Variants in MAG observed in about 807,000 individuals in gnomAD.
MAG encodes myelin-associated glycoprotein.
A neutral mutation model predicts 60.7 loss-of-function variants in MAG; 30 were observed. That is an observed-to-expected ratio of 0.49 (90% CI 0.37 to 0.67). The LOEUF (loss-of-function observed/expected upper bound fraction) is 0.67, where lower values mean the gene tolerates loss of function less well. Ranked by LOEUF, MAG falls within the 30% of genes least tolerant of loss-of-function variation. The pLI, the probability that MAG is intolerant of heterozygous loss-of-function variation, is 0.00. For missense variants in MAG, 795 were observed against 851.7 expected (o/e 0.93, Z 0.83); for synonymous variants, 384 against 376.8 (o/e 1.02, Z -0.22).
chr19:35,313,612 TC>T lies in MAG; in HGVS notation c.*161del. ...CCTGGGGGCCTGACCTCCCCCTCCT[TC>T]CCAGCTGCCCCTCCCTGCCAGCACC... On this transcript the variant is annotated 3_prime_UTR_variant, in exon 11 of 11. Coordinates refer to ENST00000392213, the MANE Select transcript of MAG (RefSeq NM_002361.4). 1 of 655,786 alleles carries T rather than the reference TC, an allele frequency of 1.5e-6. No homozygotes were observed. The highest frequency in any genetic ancestry group is 2.5e-6 in the Non-Finnish European group (1 of 394,152). 40.6% of individuals were successfully genotyped at this position (655,786 alleles called of 1,614,324 possible). A position where few individuals can be genotyped will look rare whatever the true frequency, so the allele number is the denominator to read the frequency against.
chr19:35,297,131 A>T (rs2066403866), intron 4 of MAG, among the ~76,000 whole-genome samples: 1 of 149,560 alleles, frequency 6.7e-6, no homozygotes, highest in Admixed American at 6.7e-5. Flanking sequence ...ACCACACACC[A>T]CACACACACC....
At position 35,295,078 on chromosome 19, in the gene MAG, C is replaced by T. The variant is rs1323336784; in HGVS notation, c.-23-308C>T. On this transcript the variant is annotated intron_variant, in intron 2 of 10. Transcript: ENST00000392213. The surrounding 1 kb of genome is among the most constrained non-coding windows in gnomAD (Gnocchi z 5.8). ...CAGCCTGGGCAACATAGTAAGACCC[C>T]ACCTCCACAACCATTTCCACAAAAA... Among the ~76,000 whole-genome samples the T allele has an allele frequency of 6.6e-6, 1 of 152,130 alleles. No individual in the cohort carries two copies. Among genetic ancestry groups the T allele is most frequent in the African/African-American group, 2.4e-5 (1 of 41,422 alleles).
In MAG at chr19:35,299,767, C is replaced by T. The variant is rs780589571; in HGVS notation, c.629C>T (p.Ala210Val). The stretch of plus-strand genomic sequence containing the variant: ...CTGCACTTCGTGCCCACGAGGGAGG[C>T]CAACGGCCACAGGCTGGGCTGCCAG... ...SLLHFVPTREANGHRLGCQAS... is the reference protein window; with the variant it reads ...SLLHFVPTREVNGHRLGCQAS... The change falls in exon 5 of 11, where the codon GCC becomes GTC. Residue 210 changes from alanine to valine, a missense_variant. Physicochemically the swap from Ala to Val is moderately conservative, Grantham distance 64 (BLOSUM62 0). Coordinates refer to ENST00000392213, the MANE Select transcript of MAG (RefSeq NM_002361.4). 2.0e-5 allele frequency: 31 copies of T among 1,550,668 alleles called. No homozygotes were observed. The highest frequency in any genetic ancestry group is 3.5e-6 in the Non-Finnish European group (4 of 1,151,724).
rs375739959 is a variant in MAG at position 35,295,964 on chromosome 19, G to A, written c.398G>A (p.Ser133Asn). ...AACCAGTACACCTTCTCAGAGCACA[G>A]CGTCCTGGATATCGTCAGTGAGTCC... Reference protein sequence around the residue: ...GYNQYTFSEHSVLDIVNTPNI... With the variant: ...GYNQYTFSEHNVLDIVNTPNI... The change falls in exon 4 of 11, where the codon AGC (serine) becomes AAC (asparagine). Residue 133 changes from serine to asparagine, a missense_variant. By Grantham distance (46) the Ser-to-Asn change is conservative. Coordinates refer to ENST00000392213, the MANE Select transcript of MAG (RefSeq NM_002361.4). The surrounding 1 kb of genome is among the most constrained non-coding windows in gnomAD (Gnocchi z 5.8). 1.0e-5 allele frequency: 16 copies of A among 1,595,052 alleles called. No individual in the cohort carries two copies. Among genetic ancestry groups the A allele is most frequent in the Non-Finnish European group, 1.4e-5 (16 of 1,169,650 alleles).
intron 4 of MAG, 74 bp from the exon 5 acceptor site, chr19:35,299,480 A>AGGGT (rs1555763323): frequency 3.6e-6 from 3 of 821,950 alleles, no homozygotes; most frequent in Non-Finnish European, 4.9e-6. Flanking sequence ...GACAAGGAGG[A>AGGGT]GGGTGGGTGG....
At chr19:35,296,003 A>G (rs2066395503) in intron 4 of MAG, 22 bp downstream of exon 4, 1 of 1,536,844 alleles carries the variant, frequency 6.5e-7, no homozygotes, top group Non-Finnish European at 8.8e-7. Context: ...GCGGTTGTGC[A>G]GGCACCGGGA....
intron 4 of MAG, among the ~76,000 whole-genome samples, chr19:35,298,591 T>G (rs2066420999): frequency 7.2e-6 from 1 of 139,718 alleles, no homozygotes. Context: ...CTACACACCC[T>G]GCACACATAC....
Position 35,295,693 on chromosome 19 carries a change from C to G in MAG, c.127C>G (p.Arg43Gly), listed in dbSNP as rs745533880. 2 of 1,613,372 alleles carry G rather than the reference C, an allele frequency of 1.2e-6. No individual in the cohort carries two copies. The highest frequency in any genetic ancestry group is 2.2e-5 in the South Asian group (2 of 91,072). ...FEGTCVSIPC[R>G]FDFPDELRPA... ...AGGCACGTGCGTCTCCATCCCCTGC[C>G]GCTTTGACTTCCCGGATGAGCTGCG... The change falls in exon 4 of 11, where the codon CGC becomes GGC. Residue 43 changes from arginine to glycine, a missense_variant. Transcript: ENST00000392213. The surrounding 1 kb of genome is among the most constrained non-coding windows in gnomAD (Gnocchi z 5.8).
rs778697016 is a variant in MAG at position 35,313,444 on chromosome 19, G to A, written c.1871G>A (p.Arg624Gln). The change falls in exon 11 of 11, where the codon CGG becomes CAG. Residue 624 changes from arginine (R) to glutamine (Q), a missense_variant. Coordinates refer to ENST00000392213, the MANE Select transcript of MAG (RefSeq NM_002361.4). ...TEELAEYAEIRVK is the reference protein window; with the variant it reads ...TEELAEYAEIQVK ...GAGCTAGCTGAGTATGCTGAAATCC[G>A]GGTCAAGTGAAGGAGCTGGGGGCAG... is the stretch of plus-strand genomic sequence containing the variant. 1.7e-5 allele frequency: 27 copies of A among 1,612,288 alleles called. No homozygotes were observed. Among genetic ancestry groups the A allele is most frequent in the Admixed American group, 3.3e-5 (2 of 59,846 alleles).
At chr19:35,312,380 G>A (rs1351495576) in intron 10 of MAG, 12 of 1,515,808 alleles carry the variant, frequency 7.9e-6, no homozygotes, top group Non-Finnish European at 9.1e-6. Flanking sequence ...GGGCCCTGGG[G>A]TTGGCGTGCA....
chr19:35,293,158 C>G lies in MAG; in HGVS notation c.-80+954C>G, dbSNP rs1179557776. 6.6e-6 allele frequency among the ~76,000 whole-genome samples: 1 copy of G among 152,150 alleles called. No homozygotes were observed. Reference sequence around the variant, plus strand: ...CTCCTGTACCTTCCTGTCACAGGTGCAAGGGCAGCGTCGGCCAGGTGTCCA... The same window carrying G: ...CTCCTGTACCTTCCTGTCACAGGTGGAAGGGCAGCGTCGGCCAGGTGTCCA... On this transcript the variant is annotated intron_variant, in intron 1 of 10. Transcript: ENST00000392213. This position sits in a 1 kb window ranked among gnomAD's most constrained non-coding sequence, Gnocchi z 4.0.
Position 35,311,966 on chromosome 19 carries a change from C to A in MAG, c.1665C>A (p.Pro555=). 1 of 1,613,480 alleles carries A rather than the reference C, an allele frequency of 6.2e-7. No individual in the cohort carries two copies. Among genetic ancestry groups the A allele is most frequent in the Non-Finnish European group, 8.5e-7 (1 of 1,179,714 alleles). The change falls in exon 10 of 11, where the codon CCC becomes CCA. Residue 555 remains proline (P), a synonymous_variant. Coordinates refer to ENST00000392213, the MANE Select transcript of MAG (RefSeq NM_002361.4). ...SPSFSAGDNP[P]VLFSSDFRIS... ...GCTTCTCGGCAGGGGACAACCCTCCCGTCCTGTTCAGCAGCGACTTCCGCA... is the reference window on the plus strand; with the variant it reads ...GCTTCTCGGCAGGGGACAACCCTCCAGTCCTGTTCAGCAGCGACTTCCGCA...
intron 5 of MAG, 137 bp from the exon 6 acceptor site, chr19:35,300,010 G>A: frequency 1.6e-6 from 2 of 1,269,506 alleles, no homozygotes; most frequent in Non-Finnish European, 2.0e-6. Context: ...GGACGGGGGC[G>A]GAACCAGGCA....
Position 35,313,027 on chromosome 19 carries a change from AAAG to A in MAG, c.1717-250_1717-248del, listed in dbSNP as rs753211958. Among the ~76,000 whole-genome samples the A allele has an allele frequency of 2.1e-4, 32 of 152,264 alleles. No homozygotes were observed. In the East Asian group the frequency reaches 5.4e-3, roughly 26 times the overall value. ...GCAATCCAGCCTGGGTCTCAAAGAA[AAAG>A]AAGAAGAAGAAGCAGCTTCCTGGAG... On this transcript the variant is annotated intron_variant, in intron 10 of 10. Coordinates refer to ENST00000392213, the MANE Select transcript of MAG (RefSeq NM_002361.4).
rs780462922 is a variant in MAG at position 35,312,243 on chromosome 19, C to T, written c.1716+226C>T. ...TGGGGCCTAAGGGCCCCCTCCCCTC[C>T]CTGCCTGTGTCTGTGACTGCATTTC... On this transcript the variant is annotated intron_variant, in intron 10 of 10. Coordinates refer to ENST00000392213, the MANE Select transcript of MAG (RefSeq NM_002361.4). 16 of 1,601,406 alleles carry T rather than the reference C, an allele frequency of 1.0e-5. No individual in the cohort carries two copies. In the Admixed American group the frequency reaches 1.7e-4, roughly 17 times the overall value.
In MAG at chr19:35,295,443, T is replaced by C. The variant is rs1176957300; in HGVS notation, c.35T>C (p.Ile12Thr). Residue 12 changes from isoleucine to threonine, a missense_variant, in exon 3 of 11, where the codon ATT becomes ACT. Transcript: ENST00000392213. This position sits in a 1 kb window ranked among gnomAD's most constrained non-coding sequence, Gnocchi z 5.8. ...CTCACGGCACTGCCTCTGTTCTGGA[T>C]TATGATTTCAGGTAACGGCTGACAG... ...IFLTALPLFWIMISASRGGHW... is the reference protein window; with the variant it reads ...IFLTALPLFWTMISASRGGHW... 5.0e-6 allele frequency: 8 copies of C among 1,613,962 alleles called. No homozygotes were observed. Among genetic ancestry groups the C allele is most frequent in the Admixed American group, 1.7e-5 (1 of 59,984 alleles).
At position 35,300,410 on chromosome 19, in the gene MAG, T is replaced by C; in HGVS notation, c.970+6T>C. 6.4e-7 allele frequency: 1 copy of C among 1,555,332 alleles called. No individual in the cohort carries two copies. Among genetic ancestry groups the C allele is most frequent in the Non-Finnish European group, 8.7e-7 (1 of 1,150,188 alleles). On this transcript the variant is annotated splice_donor_region_variant and intron_variant, in intron 6 of 10. Transcript: ENST00000392213. ...CGTGGGGCTCAGTGTCATGTGTGAG[T>C]GGCCCACTCTGTGCGTCCACACGCC...
chr19:35,297,604 A>T (rs2066410135), intron 4 of MAG, among the ~76,000 whole-genome samples: 1 of 135,052 alleles, frequency 7.4e-6, no homozygotes, highest in South Asian at 2.4e-4. Flanking sequence ...CACCTCATAA[A>T]CTACACACCA....
At chr19:35,301,240 C>T (rs1013424924) in intron 6 of MAG, among the ~76,000 whole-genome samples, 2 of 152,160 alleles carry the variant, frequency 1.3e-5, no homozygotes, top group Non-Finnish European at 2.9e-5. Context: ...CAGGCCTCAT[C>T]CAGCCCCTTG....
Sources: gnomAD v4.1 joint callset for allele counts (sites outside exome capture counted in the v4.1 genomes callset) on GRCh38, gnomAD v4.1.1 for gene constraint, Gnocchi (gnomAD v3.1) non-coding constraint, MANE v1.5 for transcripts, NCBI Gene and HGNC (gene_info 2026-07-23, HGNC 2026-07-21) for gene names.